NKD1: variants seen among roughly 807,000 people sequenced by gnomAD.
NKD1 encodes the protein NKD inhibitor of Wnt signaling pathway 1.
A neutral mutation model predicts 56.0 loss-of-function variants in NKD1; 21 were observed. The ratio of observed to expected loss-of-function variants is 0.38; its 90% CI spans 0.27 to 0.54. NKD1 has a LOEUF of 0.54. Among genes scored for constraint, NKD1 ranks in the 20% least tolerant of loss-of-function variants. The pLI, the probability that NKD1 is intolerant of heterozygous loss-of-function variation, is 0.82. For synonymous variants in NKD1, 263 were observed against 265.7 expected, an observed-to-expected ratio of 0.99 and a Z score of 0.10; for missense variants, 578 against 642.7, an observed-to-expected ratio of 0.90 and a Z score of 1.09.
chr16:50,588,730 A>T (rs1961284327), intron 3 of NKD1, among the ~76,000 whole-genome samples: 1 of 148,310 alleles, frequency 6.7e-6, no homozygotes, highest in South Asian at 2.1e-4. Context: ...CAGCTTCCCG[A>T]TTAGCTGGGA....
chr16:50,573,406 G>T (rs1449190320), intron 3 of NKD1, among the ~76,000 whole-genome samples: 1 of 152,226 alleles, frequency 6.6e-6, no homozygotes, highest in Non-Finnish European at 1.5e-5. Flanking sequence ...AGGTTAAAGC[G>T]AGGCCCTTTG....
chr16:50,562,290 A>G (rs1316581962), intron 3 of NKD1: 7 of 982,678 alleles, frequency 7.1e-6, no homozygotes, highest in African/African-American at 5.2e-5. Context: ...GAAAAAGTCT[A>G]TTCAGGCCTG....
intron 3 of NKD1, chr16:50,571,573 G>A (rs552011472): frequency 1.0e-4 from 98 of 979,446 alleles, no homozygotes; most frequent in Middle Eastern, 1.0e-3. Flanking sequence ...CCATTCATCT[G>A]TTGCTCAGAG....
At chr16:50,568,649 G>A (rs533766621) in intron 3 of NKD1, among the ~76,000 whole-genome samples, 6 of 152,202 alleles carry the variant, frequency 3.9e-5, no homozygotes, top group Admixed American at 2.0e-4. Flanking sequence ...GTGGGCCGGC[G>A]CACTGGGAGG....
intron 3 of NKD1, among the ~76,000 whole-genome samples, chr16:50,554,971 T>C (rs1276839446): frequency 6.6e-6 from 1 of 152,124 alleles, no homozygotes; most frequent in Non-Finnish European, 1.5e-5. Flanking sequence ...GCTCTGGGGA[T>C]ACAGTGGAGA....
chr16:50,631,133 A>AT (rs1345926967), intron 8 of NKD1, among the ~76,000 whole-genome samples: 1 of 152,166 alleles, frequency 6.6e-6, no homozygotes, highest in African/African-American at 2.4e-5. Context: ...GGAGGTCAGC[A>AT]TTTTTTGGGC....
At chr16:50,599,916 C>T (rs1961557069) in intron 3 of NKD1, among the ~76,000 whole-genome samples, 1 of 151,620 alleles carries the variant, frequency 6.6e-6, no homozygotes, top group African/African-American at 2.4e-5. Flanking sequence ...GGTTTTTTTT[C>T]CCCCATTAGT....
chr16:50,555,652 G>T (rs914352501), intron 3 of NKD1: 3 of 152,648 alleles, frequency 2.0e-5, no homozygotes, highest in African/African-American at 7.2e-5. Context: ...CCCCAGAACT[G>T]CAGCGCGCCT....
At chr16:50,599,254 AC>A (rs1360079785) in intron 3 of NKD1, among the ~76,000 whole-genome samples, 1 of 152,070 alleles carries the variant, frequency 6.6e-6, no homozygotes, top group Non-Finnish European at 1.5e-5. Context: ...GACTTGGGAC[AC>A]GCTATTTGAG....
At chr16:50,614,558 G>A (rs1480406103) in intron 4 of NKD1, among the ~76,000 whole-genome samples, 2 of 152,188 alleles carry the variant, frequency 1.3e-5, no homozygotes, top group African/African-American at 4.8e-5. Context: ...GTGGAAGAAA[G>A]TTCCCAGGTC....
intron 3 of NKD1, among the ~76,000 whole-genome samples, chr16:50,593,786 A>G (rs1961418924): frequency 6.6e-6 from 1 of 152,178 alleles, no homozygotes; most frequent in Non-Finnish European, 1.5e-5. Context: ...GTCTATCCCA[A>G]ATACTACATG....
At chr16:50,552,297 G>T (rs1197453507) in intron 3 of NKD1, 1 of 152,260 alleles carries the variant, frequency 6.6e-6, no homozygotes, top group Non-Finnish European at 1.5e-5. Flanking sequence ...TGGACTGTGT[G>T]TTTCTCCCTT....
chr16:50,613,728 C>CGCCCCA (rs1243554342), intron 4 of NKD1: 1 of 121,930 alleles, frequency 8.2e-6, no homozygotes, highest in African/African-American at 3.2e-5. Flanking sequence ...AATTTCATCA[C>CGCCCCA]ATGTTTTAAC....
At chr16:50,584,764 G>T (rs2151270131) in intron 3 of NKD1, among the ~76,000 whole-genome samples, 1 of 152,318 alleles carries the variant, frequency 6.6e-6, no homozygotes, top group African/African-American at 2.4e-5. Flanking sequence ...TCTTTCCCTT[G>T]ACCTCCATGG....
At chr16:50,580,254 T>C (rs1596718140) in intron 3 of NKD1, among the ~76,000 whole-genome samples, 2 of 152,398 alleles carry the variant, frequency 1.3e-5, no homozygotes, top group East Asian at 3.9e-4. Context: ...GACACCATGA[T>C]GGATCCCCTT....
chr16:50,604,415 G>A (rs566895293), intron 3 of NKD1, among the ~76,000 whole-genome samples: 7 of 152,254 alleles, frequency 4.6e-5, no homozygotes, highest in Middle Eastern at 3.4e-3. Context: ...CGAGTCTCTC[G>A]GCTTGTCCCA....
At chr16:50,600,807 C>T (rs548009528) in intron 3 of NKD1, among the ~76,000 whole-genome samples, 1 of 152,270 alleles carries the variant, frequency 6.6e-6, no homozygotes, top group East Asian at 1.9e-4. Context: ...GTTTCAGAGT[C>T]AGGCCCAGGG....
chr16:50,622,982 G>T (rs1290023934), intron 5 of NKD1, among the ~76,000 whole-genome samples: 2 of 152,104 alleles, frequency 1.3e-5, no homozygotes, highest in Non-Finnish European at 2.9e-5. Flanking sequence ...GGGAACAGCG[G>T]CTGTGGATAG....
chr16:50,597,295 G>C (rs1055635656), intron 3 of NKD1, among the ~76,000 whole-genome samples: 2 of 152,058 alleles, frequency 1.3e-5, no homozygotes, highest in African/African-American at 4.8e-5. Context: ...GGAAGGCACT[G>C]GGGAGGACAG....
Sources: gnomAD v4.1 joint callset for allele counts (sites outside exome capture counted in the v4.1 genomes callset) on GRCh38, gnomAD v4.1.1 for gene constraint, MANE v1.5 for transcripts, NCBI Gene and HGNC (gene_info 2026-07-23, HGNC 2026-07-21) for gene names.